Variants in PLCE1 observed in about 807,000 individuals in gnomAD.
The protein encoded by PLCE1 is 1-phosphatidylinositol 4,5-bisphosphate phosphodiesterase epsilon-1.
PLCE1 carries 119 observed loss-of-function variants against 242.8 expected under a neutral mutation model. That is an observed-to-expected ratio of 0.49 (90% CI 0.42 to 0.57). The LOEUF (loss-of-function observed/expected upper bound fraction) is 0.57. Ranked by LOEUF, PLCE1 falls within the 20% of genes least tolerant of loss-of-function variation. The pLI is 0.00. For synonymous variants in PLCE1, 945 were observed against 1,017.4 expected (o/e 0.93, Z 1.35); for missense variants, 2,441 against 2,788.8 (o/e 0.88, Z 2.81).
chr10:94,032,955 T>G (rs1024119098), intron 2 of PLCE1, among the ~76,000 whole-genome samples: 1 of 151,992 alleles, frequency 6.6e-6, no homozygotes, highest in Non-Finnish European at 1.5e-5. Flanking sequence ...ATATAGAAAA[T>G]ATTTTTGTAA....
intron 2 of PLCE1, among the ~76,000 whole-genome samples, chr10:94,071,495 G>GTTTTTTTTTTTTGTTTTTTTTTT (rs2044353147): frequency 1.2e-5 from 1 of 83,316 alleles, no homozygotes; most frequent in African/African-American, 5.4e-5. Context: ...TTTGGTTTTC[G>GTTTTTTTTTTTTGTTTTTTTTTT]TTTTTTTTTT....
intron 2 of PLCE1, among the ~76,000 whole-genome samples, chr10:94,034,217 C>A (rs754671188): frequency 6.6e-6 from 1 of 152,112 alleles, no homozygotes; most frequent in African/African-American, 2.4e-5. Context: ...CCTGGCCCTG[C>A]CCTTGACACA....
intron 2 of PLCE1, among the ~76,000 whole-genome samples, chr10:94,048,670 A>G (rs536801264): frequency 6.8e-6 from 1 of 146,528 alleles, no homozygotes; most frequent in African/African-American, 2.5e-5. Flanking sequence ...ATATATACAT[A>G]TATATTTAAT....
chr10:94,140,513 C>T (rs1004990295), intron 3 of PLCE1, among the ~76,000 whole-genome samples: 5 of 152,142 alleles, frequency 3.3e-5, no homozygotes, highest in Admixed American at 1.3e-4. Context: ...ACTGTACTCC[C>T]TCCTGGGCAA....
intron 1 of PLCE1, among the ~76,000 whole-genome samples, chr10:94,005,633 T>A (rs2061020451): frequency 6.6e-6 from 1 of 152,190 alleles, no homozygotes; most frequent in South Asian, 2.1e-4. Flanking sequence ...CAAAGCTGCA[T>A]ATCGGGTTGG....
chr10:94,236,629 C>T (rs1194466169), intron 7 of PLCE1, among the ~76,000 whole-genome samples: 2 of 152,134 alleles, frequency 1.3e-5, no homozygotes, highest in African/African-American at 2.4e-5. Context: ...GATCTCACTT[C>T]GAGAAACACT....
At chr10:94,032,911 G>A (rs561152489) in intron 2 of PLCE1, among the ~76,000 whole-genome samples, 1 of 151,852 alleles carries the variant, frequency 6.6e-6, no homozygotes, top group South Asian at 2.1e-4. Flanking sequence ...AATAGAATTA[G>A]CCCTCATCTG....
chr10:94,153,123 G>T (rs542441756), intron 3 of PLCE1, among the ~76,000 whole-genome samples: 1 of 152,200 alleles, frequency 6.6e-6, no homozygotes, highest in Non-Finnish European at 1.5e-5. Context: ...TTTACCATCT[G>T]TTCTTGTCCA....
chr10:94,164,104 T>G (rs1206484453), intron 3 of PLCE1, among the ~76,000 whole-genome samples: 1 of 152,196 alleles, frequency 6.6e-6, no homozygotes, highest in Admixed American at 6.5e-5. Context: ...TCATTTCAAC[T>G]TTGGTGAATC....
At chr10:94,247,710 GT>G (rs1319985129) in intron 8 of PLCE1, among the ~76,000 whole-genome samples, 2 of 152,222 alleles carry the variant, frequency 1.3e-5, no homozygotes, top group Non-Finnish European at 2.9e-5. Flanking sequence ...TTAGTGGGCA[GT>G]TTTTCACAGT....
rs192595281 is a variant in PLCE1 at position 94,302,398 on chromosome 10, T to A, written c.5459-2084T>A. 2.3e-3 allele frequency among the ~76,000 whole-genome samples: 346 copies of A among 152,292 alleles called. 1 individual carries two copies. Among genetic ancestry groups the A allele is most frequent in the African/African-American group, 8.0e-3 (333 of 41,538 alleles). On this transcript the variant is annotated intron_variant, in intron 24 of 32. Coordinates refer to ENST00000371380, the MANE Select transcript of PLCE1 (RefSeq NM_016341.4). Reference sequence around the variant, plus strand: ...AACTTAAAACAGTAAAATAAAATAATTTTTTAAAAGCTTCAAAGTTTTAAT... The same window carrying A: ...AACTTAAAACAGTAAAATAAAATAAATTTTTAAAAGCTTCAAAGTTTTAAT...
chr10:94,165,149 A>G (rs1167841427), intron 3 of PLCE1, among the ~76,000 whole-genome samples: 1 of 152,022 alleles, frequency 6.6e-6, no homozygotes, highest in South Asian at 2.1e-4. Flanking sequence ...GAGAACCACT[A>G]CTCTCTTCAA....
chr10:94,268,908 A>C (rs1363743283), intron 16 of PLCE1, 21 bp from the exon 17 acceptor site: 6 of 1,444,956 alleles, frequency 4.2e-6, no homozygotes, highest in Admixed American at 1.7e-5. Context: ...CCTGGGGTGG[A>C]TTCGCTCATT....
rs554322955 is a variant in PLCE1, at chr10:94,303,624, C to A, written c.5459-858C>A. On this transcript the variant is annotated intron_variant, in intron 24 of 32. Coordinates refer to ENST00000371380, the MANE Select transcript of PLCE1 (RefSeq NM_016341.4). ...TTTTCTGGCTATTCTCCTATTCTTT[C>A]TTGTATAATTAAGATTTTATCTTAC... Among the ~76,000 whole-genome samples, 109 of 152,142 alleles carry A rather than the reference C, an allele frequency of 7.2e-4. 1 individual carries two copies. The highest frequency in any genetic ancestry group is 2.5e-3 in the African/African-American group (104 of 41,508).
In PLCE1 at chr10:94,111,431, G is replaced by A. The variant is rs149951256; in HGVS notation, c.1207-20743G>A. ...ATGAAAGCAGAAATGCAGTTGACTAGACATTGTGGAGCCTGCACCAGAGAA... is the reference window on the plus strand; with the variant it reads ...ATGAAAGCAGAAATGCAGTTGACTAAACATTGTGGAGCCTGCACCAGAGAA... On this transcript the variant is annotated intron_variant, in intron 2 of 32. Coordinates refer to ENST00000371380, the MANE Select transcript of PLCE1 (RefSeq NM_016341.4). Among the ~76,000 whole-genome samples, 49 of 152,326 alleles carry A rather than the reference G, an allele frequency of 3.2e-4. No homozygotes were observed. In the East Asian group the frequency reaches 7.5e-3, roughly 23 times the overall value.
chr10:94,307,686 C>G (rs2053247526), intron 26 of PLCE1, among the ~76,000 whole-genome samples: 1 of 152,134 alleles, frequency 6.6e-6, no homozygotes, highest in African/African-American at 2.4e-5. Context: ...TGTCTGTGTC[C>G]TAATCCCCTC....
intron 2 of PLCE1, among the ~76,000 whole-genome samples, chr10:94,037,244 T>C (rs900059342): frequency 1.3e-5 from 2 of 152,194 alleles, no homozygotes; most frequent in African/African-American, 4.8e-5. Flanking sequence ...CTATATTTTG[T>C]CTCTTTCAAA....
chr10:94,162,334 G>T (rs529581236), intron 3 of PLCE1, among the ~76,000 whole-genome samples: 1 of 152,188 alleles, frequency 6.6e-6, no homozygotes, highest in South Asian at 2.1e-4. Flanking sequence ...CAATTTCAGA[G>T]CCTGTTATTG....
intron 3 of PLCE1, among the ~76,000 whole-genome samples, chr10:94,151,250 G>A (rs769489315): frequency 3.3e-5 from 5 of 152,120 alleles, no homozygotes; most frequent in Non-Finnish European, 2.9e-5. Flanking sequence ...GCCTGTAGTG[G>A]GTTCCATAAG....
Sources: allele counts gnomAD v4.1 joint callset (sites outside exome capture counted in the v4.1 genomes callset), GRCh38; gene constraint gnomAD v4.1.1; transcripts MANE v1.5; gene names NCBI Gene and HGNC (gene_info 2026-07-23, HGNC 2026-07-21).